SYT1: variants seen among roughly 807,000 people sequenced by gnomAD.
SYT1 encodes synaptotagmin 1, also known as synaptotagmin-1.
A neutral mutation model predicts 44.8 loss-of-function variants in SYT1; 8 were observed. The ratio of observed to expected loss-of-function variants is 0.18; its 90% CI spans 0.10 to 0.32. The LOEUF (loss-of-function observed/expected upper bound fraction) is 0.32, where lower values mean the gene tolerates loss of function less well. Among genes scored for constraint, SYT1 ranks in the 10% least tolerant of loss-of-function variants. The pLI is 1.00. For synonymous variants in SYT1, 154 were observed against 188.8 expected (o/e 0.82, Z 1.51); for missense variants, 286 against 509.3 (o/e 0.56, Z 4.22).
At chr12:79,189,572 A>G (rs747397267) in intron 3 of SYT1, among the ~76,000 whole-genome samples, 2 of 152,154 alleles carry the variant, frequency 1.3e-5, no homozygotes, top group Non-Finnish European at 2.9e-5. Context: ...TCAGTAACAC[A>G]GTATAGAAGA....
At chr12:78,910,006 T>C (rs576557966) in intron 1 of SYT1, among the ~76,000 whole-genome samples, 1 of 152,124 alleles carries the variant, frequency 6.6e-6, no homozygotes, top group South Asian at 2.1e-4. Context: ...TGTTCACATA[T>C]ATCCAGCTTG....
chr12:79,313,616 AAAC>A (rs60035040), intron 8 of SYT1, among the ~76,000 whole-genome samples: 1,525 of 151,736 alleles, frequency 0.01, 24 homozygotes, highest in African/African-American at 0.035. Flanking sequence ...AAAAAAAAAA[AAAC>A]AAAATAAAAG....
intron 2 of SYT1, among the ~76,000 whole-genome samples, chr12:78,997,073 TG>T (rs981964360): frequency 6.6e-6 from 1 of 152,366 alleles, no homozygotes; most frequent in African/African-American, 2.4e-5. Flanking sequence ...TCCAGGTTTC[TG>T]GAAGTCTCTT....
chr12:79,019,992 T>C (rs866992079), intron 2 of SYT1, among the ~76,000 whole-genome samples: 1 of 151,894 alleles, frequency 6.6e-6, no homozygotes, highest in Non-Finnish European at 1.5e-5. Context: ...ACAAAAGTAG[T>C]GTCAATTTAT....
intron 3 of SYT1, among the ~76,000 whole-genome samples, chr12:79,170,452 A>T (rs192272988): frequency 1.3e-5 from 2 of 152,178 alleles, no homozygotes; most frequent in Non-Finnish European, 2.9e-5. Context: ...ATGATCAGTA[A>T]TGTCGAACTT....
At chr12:79,059,982 C>T (rs1875254890) in intron 3 of SYT1, among the ~76,000 whole-genome samples, 4 of 152,088 alleles carry the variant, frequency 2.6e-5, no homozygotes. Context: ...AAAACCTGTG[C>T]TCCTAGACAT....
At chr12:78,912,100 A>G (rs1314864084) in intron 1 of SYT1, among the ~76,000 whole-genome samples, 1 of 151,836 alleles carries the variant, frequency 6.6e-6, no homozygotes, top group Admixed American at 6.6e-5. Flanking sequence ...GAATTGGGAT[A>G]TATAAGAAAG....
At chr12:78,934,322 A>G (rs1043098721) in intron 1 of SYT1, among the ~76,000 whole-genome samples, 3 of 151,910 alleles carry the variant, frequency 2.0e-5, no homozygotes, top group African/African-American at 7.2e-5. Flanking sequence ...GGAGTTCAAG[A>G]CCAGCCTGGG....
intron 1 of SYT1, among the ~76,000 whole-genome samples, chr12:78,901,457 G>A (rs769776808): frequency 2.6e-5 from 4 of 152,064 alleles, no homozygotes; most frequent in Non-Finnish European, 5.9e-5. Context: ...ATTGGAGACA[G>A]CAAAGGGAGG....
intron 8 of SYT1, among the ~76,000 whole-genome samples, chr12:79,329,947 G>A (rs1224475970): frequency 6.6e-6 from 1 of 151,792 alleles, no homozygotes; most frequent in Non-Finnish European, 1.5e-5. Flanking sequence ...CCTCTTTTTT[G>A]CAGAAAGCAT....
At chr12:79,075,312 T>A (rs1592724968) in intron 3 of SYT1, among the ~76,000 whole-genome samples, 1 of 152,186 alleles carries the variant, frequency 6.6e-6, no homozygotes, top group East Asian at 1.9e-4. Flanking sequence ...GCTTTCACCT[T>A]ATACTCACTA....
chr12:79,013,854 G>A (rs906657824), intron 2 of SYT1, among the ~76,000 whole-genome samples: 3 of 152,034 alleles, frequency 2.0e-5, no homozygotes, highest in African/African-American at 7.2e-5. Flanking sequence ...CAGGCCGGAC[G>A]CCGTGGCTCA....
intron 9 of SYT1, among the ~76,000 whole-genome samples, chr12:79,397,764 G>A (rs1273795420): frequency 1.3e-5 from 2 of 152,210 alleles, no homozygotes; most frequent in Admixed American, 1.3e-4. Context: ...ACTTAAAGAT[G>A]TGGGGAGGAT....
At chr12:79,388,269 T>C (rs1030767598) in intron 9 of SYT1, among the ~76,000 whole-genome samples, 7 of 152,238 alleles carry the variant, frequency 4.6e-5, no homozygotes, top group Non-Finnish European at 1.0e-4. Flanking sequence ...GTCACTACTA[T>C]GCATCACGAG....
chr12:78,975,327 A>G (rs1868744262), intron 1 of SYT1, among the ~76,000 whole-genome samples: 1 of 152,180 alleles, frequency 6.6e-6, no homozygotes, highest in African/African-American at 2.4e-5. Flanking sequence ...GTTCTGCAGG[A>G]CGAGTTCAGA....
At chr12:79,066,135 A>T (rs906146536) in intron 3 of SYT1, among the ~76,000 whole-genome samples, 52 of 152,230 alleles carry the variant, frequency 3.4e-4, no homozygotes, top group African/African-American at 1.2e-3. Context: ...ATCCACCCAC[A>T]CAAATGCAGA....
intron 3 of SYT1, among the ~76,000 whole-genome samples, chr12:79,070,491 C>A (rs1876190601): frequency 6.6e-6 from 1 of 151,942 alleles, no homozygotes; most frequent in Admixed American, 6.6e-5. Context: ...ATGCAGCATT[C>A]TTTGCTATTG....
chr12:78,942,727 G>A (rs891864728), intron 1 of SYT1, among the ~76,000 whole-genome samples: 7 of 152,072 alleles, frequency 4.6e-5, no homozygotes, highest in Admixed American at 2.6e-4. Context: ...GACTTATCTC[G>A]CCATCCGTAT....
intron 4 of SYT1, among the ~76,000 whole-genome samples, chr12:79,251,982 TGATAGATA>T (rs10527014): frequency 5.1e-4 from 77 of 149,936 alleles, no homozygotes; most frequent in Non-Finnish European, 8.4e-4. Flanking sequence ...GATAGATGAT[TGATAGATA>T]GATAGATAGA....
Sources: allele counts gnomAD v4.1 joint callset (sites outside exome capture counted in the v4.1 genomes callset), GRCh38; gene constraint gnomAD v4.1.1; transcripts MANE v1.5; gene names NCBI Gene and HGNC (gene_info 2026-07-23, HGNC 2026-07-21).